DCT: variants seen among roughly 807,000 people sequenced by gnomAD.
DCT encodes the protein L-dopachrome tautomerase.
In DCT, 47 loss-of-function variants were observed where a neutral mutation model predicts 53.0. That is an observed-to-expected ratio of 0.89 (90% CI 0.70 to 1.13). DCT has a LOEUF of 1.13. DCT is among the 50% of genes most tolerant of loss of function. The probability of loss-of-function intolerance (pLI) is 0.00; values close to 1 mark genes in which losing one functional copy is unlikely to be tolerated. For synonymous variants in DCT, 244 were observed against 237.0 expected (o/e 1.03, Z -0.27); for missense variants, 669 against 637.4 (o/e 1.05, Z -0.53).
At chr13:94,542,372 G>T in the DCT span, among the ~76,000 whole-genome samples, 1 of 152,032 alleles carries the variant, frequency 6.6e-6, no homozygotes, top group Non-Finnish European at 1.5e-5. Context: ...TATTTTTTTA[G>T]TCGAGTCAAG....
At chr13:94,491,112 C>G in the DCT span, among the ~76,000 whole-genome samples, 1 of 152,180 alleles carries the variant, frequency 6.6e-6, no homozygotes, top group Non-Finnish European at 1.5e-5. Context: ...CTTTTAGGGA[C>G]TGGGAACCAT....
At chr13:94,484,767 C>T in the DCT span, among the ~76,000 whole-genome samples, 3 of 152,112 alleles carry the variant, frequency 2.0e-5, no homozygotes, top group South Asian at 2.1e-4. Context: ...CCCATCCTGA[C>T]GACTTCATTT....
At chr13:94,449,318 T>A (rs539052519) in intron 6 of DCT, among the ~76,000 whole-genome samples, 5 of 152,338 alleles carry the variant, frequency 3.3e-5, no homozygotes, top group African/African-American at 1.2e-4. Context: ...TAAATGACTA[T>A]AAATTTGGAT....
the DCT span, among the ~76,000 whole-genome samples, chr13:94,516,144 G>A: frequency 3.7e-3 from 541 of 147,130 alleles, 2 homozygotes; most frequent in African/African-American, 0.012. Flanking sequence ...GTTCTCTAGC[G>A]CATGACCGGA....
the DCT span, among the ~76,000 whole-genome samples, chr13:94,541,919 G>A: frequency 4.0e-3 from 610 of 152,298 alleles, 10 homozygotes; most frequent in Middle Eastern, 0.02. Context: ...GGACTCCAGA[G>A]GCAGGACCAT....
In DCT at chr13:94,462,010, C is replaced by G; in HGVS notation, c.1043G>C (p.Arg348Thr). The change falls in exon 5 of 8, where the codon AGG (arginine) becomes ACG (threonine). Residue 348 changes from arginine (R) to threonine (T), a missense_variant and splice_region_variant. By Grantham distance (71) the Arg-to-Thr change is moderately conservative. Coordinates refer to ENST00000377028, the MANE Select transcript of DCT (RefSeq NM_001922.5). ...PFFQNSTFSF[R>T]NALEGFDKAD... ...GTCCAGCAGAGCTCAGAGCACCCAC[C>G]TGAAACTGAAGGTAGAGTTCTGGAA... is the stretch of plus-strand genomic sequence containing the variant. 6.2e-7 allele frequency: 1 copy of G among 1,613,116 alleles called. No homozygotes were observed. Among genetic ancestry groups the G allele is most frequent in the Non-Finnish European group, 8.5e-7 (1 of 1,179,736 alleles).
At chr13:94,531,235 A>C in the DCT span, among the ~76,000 whole-genome samples, 2 of 152,222 alleles carry the variant, frequency 1.3e-5, no homozygotes, top group African/African-American at 2.4e-5. Flanking sequence ...TTATAGATTC[A>C]ATGCTATCCC....
intron 6 of DCT, among the ~76,000 whole-genome samples, chr13:94,449,413 T>G (rs1378750019): frequency 6.6e-6 from 1 of 152,224 alleles, no homozygotes; most frequent in African/African-American, 2.4e-5. Flanking sequence ...AAGATGTGTG[T>G]GCATCATTAA....
At chr13:94,510,469 G>C in the DCT span, among the ~76,000 whole-genome samples, 1 of 152,144 alleles carries the variant, frequency 6.6e-6, no homozygotes, top group African/African-American at 2.4e-5. Flanking sequence ...AGGTTTAAAA[G>C]ACTAGTATGA....
the DCT span, among the ~76,000 whole-genome samples, chr13:94,512,239 G>T: frequency 1.3e-5 from 2 of 152,142 alleles, no homozygotes; most frequent in East Asian, 1.9e-4. Flanking sequence ...GCTTCACATG[G>T]ATTGCCTCTT....
rs146421028 is a variant in DCT at position 94,445,482 on chromosome 13, G to A, written c.1180-1845C>T. 1.2e-4 allele frequency among the ~76,000 whole-genome samples: 19 copies of A among 152,272 alleles called. No homozygotes were observed. The East Asian group carries it at 3.7e-3, about 29-fold the overall frequency. ...TTTCAGGAAGAAAAACAGATAGCGG[G>A]CCAGTCCACAGCTGTTCCAACACCT... On this transcript the variant is annotated intron_variant, in intron 6 of 7. Coordinates refer to ENST00000377028, the MANE Select transcript of DCT (RefSeq NM_001922.5).
In DCT at chr13:94,439,912, T is replaced by C; in HGVS notation, c.1546A>G (p.Thr516Ala). Reference protein sequence around the residue: ...METHLSSKRYTEEA With the variant: ...METHLSSKRYAEEA ...GCATGAGCACCCTAGGCTTCTTCTG[T>C]GTATCTCTTGCTGCTTAAATGTGTC... The change falls in exon 8 of 8, where the codon ACA becomes GCA. Residue 516 changes from threonine to alanine, a missense_variant. Coordinates refer to ENST00000377028, the MANE Select transcript of DCT (RefSeq NM_001922.5). The C allele has an allele frequency of 3.1e-6, 5 of 1,613,662 alleles. No homozygotes were observed. The highest frequency in any genetic ancestry group is 3.4e-6 in the Non-Finnish European group (4 of 1,179,816).
At chr13:94,509,752 G>C in the DCT span, among the ~76,000 whole-genome samples, 2 of 152,154 alleles carry the variant, frequency 1.3e-5, no homozygotes, top group Non-Finnish European at 2.9e-5. Flanking sequence ...GAAGTGCTGT[G>C]AGAATCAAGT....
At chr13:94,511,825 AGTGTGTGT>A in the DCT span, among the ~76,000 whole-genome samples, 437 of 143,814 alleles carry the variant, frequency 3.0e-3, 3 homozygotes, top group Non-Finnish European at 4.7e-3. Flanking sequence ...CAGCATTGTC[AGTGTGTGT>A]GTGTGTGTGT....
chr13:94,444,852 C>G (rs1882617006), intron 6 of DCT, among the ~76,000 whole-genome samples: 1 of 152,198 alleles, frequency 6.6e-6, no homozygotes, highest in African/African-American at 2.4e-5. Context: ...ATTTATGTAT[C>G]TATGTCCCCT....
chr13:94,471,090 A>C (rs1466339347), intron 1 of DCT, among the ~76,000 whole-genome samples: 1 of 152,238 alleles, frequency 6.6e-6, no homozygotes, highest in Non-Finnish European at 1.5e-5. Flanking sequence ...AGTAAAAAGT[A>C]CTATGACCAT....
chr13:94,453,244 C>T (rs1308109597), intron 6 of DCT, among the ~76,000 whole-genome samples: 1 of 151,946 alleles, frequency 6.6e-6, no homozygotes, highest in Admixed American at 6.6e-5. Context: ...TTTTGGTACC[C>T]ATGGTGGGGG....
At chr13:94,525,793 T>A in the DCT span, among the ~76,000 whole-genome samples, 2 of 152,158 alleles carry the variant, frequency 1.3e-5, no homozygotes, top group Non-Finnish European at 2.9e-5. Flanking sequence ...AGTAGTTTGA[T>A]ACCAGCCTGG....
At chr13:94,527,686 A>C in the DCT span, among the ~76,000 whole-genome samples, 2 of 152,248 alleles carry the variant, frequency 1.3e-5, no homozygotes. Flanking sequence ...GGGAGAAACC[A>C]GAGCAGAAAA....
Sources: allele counts gnomAD v4.1 joint callset (sites outside exome capture counted in the v4.1 genomes callset), GRCh38; gene constraint gnomAD v4.1.1; transcripts MANE v1.5; gene names NCBI Gene and HGNC (gene_info 2026-07-23, HGNC 2026-07-21).